Variants in ZFYVE26 observed in about 807,000 individuals in gnomAD.
The protein encoded by ZFYVE26 is zinc finger FYVE domain-containing protein 26.
Under a neutral mutation model 276.5 loss-of-function variants are expected in ZFYVE26, and 181 were observed. That is an observed-to-expected ratio of 0.65 (90% CI 0.58 to 0.74). ZFYVE26 has a LOEUF of 0.74. ZFYVE26 is among the 30% of genes least tolerant of loss of function. ZFYVE26 has a pLI of 0.00. For missense variants in ZFYVE26, 2,821 were observed against 3,097.9 expected (o/e 0.91, Z 2.12); for synonymous variants, 1,129 against 1,203.1 (o/e 0.94, Z 1.27).
rs777417667 is a variant in ZFYVE26 at position 67,729,195 on chromosome 14, C to T, written n.3288+16G>A. On this transcript the variant is annotated intron_variant and non_coding_transcript_variant, in intron 14 of 14. Transcript: ENST00000394455. ...ATTGTGCCCTCTTTGTCCCAGGCAC[C>T]GGGGTCACCACCTACGCAGTGCACC... The T allele has an allele frequency of 1.9e-6, 3 of 1,612,638 alleles. No homozygotes were observed. Among genetic ancestry groups the T allele is most frequent in the African/African-American group, 2.7e-5 (2 of 74,884 alleles).
chr14:67,788,143 C>G (rs903565123), intron 16 of ZFYVE26, among the ~76,000 whole-genome samples: 1 of 151,666 alleles, frequency 6.6e-6, no homozygotes, highest in African/African-American at 2.4e-5. Flanking sequence ...ATAATCCCAG[C>G]ACTTTGGGAG....
Position 67,783,407 on chromosome 14 carries a change from G to A in ZFYVE26, c.3745C>T (p.Leu1249Phe). Residue 1249 changes from leucine to phenylalanine, a missense_variant, in exon 21 of 42, where the codon CTC becomes TTC. Physicochemically the swap from Leu to Phe is conservative, Grantham distance 22. Coordinates refer to ENST00000347230, the MANE Select transcript of ZFYVE26 (RefSeq NM_015346.4). ...SSRQSQQTSS[L>F]LTRLGTLAQL... ...GCCAGAGTACCCAGACGAGTCAGGA[G>A]GGAGGAGGTCTGCTGGCTTTGCCGG... 6.2e-7 allele frequency: 1 copy of A among 1,614,220 alleles called. No homozygotes were observed. The highest frequency in any genetic ancestry group is 1.1e-5 in the South Asian group (1 of 91,084).
At chr14:67,733,373 C>T (rs1746570037) in intron 13 of ZFYVE26, among the ~76,000 whole-genome samples, 1 of 152,140 alleles carries the variant, frequency 6.6e-6, no homozygotes, top group African/African-American at 2.4e-5. Context: ...CGAATGTAGG[C>T]ACTGAACTGT....
chr14:67,765,195 C>T (rs2039025495), intron 32 of ZFYVE26, among the ~76,000 whole-genome samples: 2 of 152,152 alleles, frequency 1.3e-5, no homozygotes, highest in East Asian at 1.9e-4. Flanking sequence ...AGTTCCTTTT[C>T]ACTTCCTTCT....
In ZFYVE26 at chr14:67,809,199, C is replaced by T. The variant is rs935301743; in HGVS notation, c.363+1G>A. The stretch of plus-strand genomic sequence containing the variant: ...CAGATGGTACCAGGGCTCTCTCTCA[C>T]CTCGAGGATGTTCTCTGGAATGTCA... On this transcript the variant is annotated splice_donor_variant, in intron 4 of 41. Coordinates refer to ENST00000347230, the MANE Select transcript of ZFYVE26 (RefSeq NM_015346.4). LOFTEE classifies it high-confidence loss of function. The T allele has an allele frequency of 2.5e-6, 4 of 1,613,688 alleles. No individual in the cohort carries two copies. The highest frequency in any genetic ancestry group is 3.4e-6 in the Non-Finnish European group (4 of 1,179,770).
rs2039750355 is a variant in ZFYVE26, at chr14:67,789,412, T to C, written c.2942A>G (p.Gln981Arg). 6.2e-7 allele frequency: 1 copy of C among 1,614,204 alleles called. No individual in the cohort carries two copies. Among genetic ancestry groups the C allele is most frequent in the African/African-American group, 1.3e-5 (1 of 75,054 alleles). The change falls in exon 16 of 42, where the codon CAG becomes CGG. Residue 981 changes from glutamine (Q) to arginine (R), a missense_variant. Transcript: ENST00000347230. ...CTTGCAGGTTTTCCAGAGCTGGCAC[T>C]GAGAGCAAGCTAGGTCAAATGCAGC... is the stretch of plus-strand genomic sequence containing the variant. ...AMAAFDLACS[Q>R]CQLWKTCKQL... is the part of the protein sequence containing the mutation.
At chr14:67,793,255 TCAAA>T (rs112741778) in intron 14 of ZFYVE26, among the ~76,000 whole-genome samples, 26 of 151,278 alleles carry the variant, frequency 1.7e-4, no homozygotes, top group East Asian at 5.8e-4. Context: ...AGACTCTGTC[TCAAA>T]CAAACAAACA....
At position 67,807,266 on chromosome 14, in the gene ZFYVE26, C is replaced by T. The variant is rs80121791; in HGVS notation, c.886+132G>A. 2,562 of 1,175,102 alleles carry T rather than the reference C, an allele frequency of 2.2e-3. 4 individuals are homozygous for T. Among genetic ancestry groups the T allele is most frequent in the Middle Eastern group, 4.5e-3 (16 of 3,568 alleles). 72.8% of individuals were successfully genotyped at this position (1,175,102 alleles called of 1,614,324 possible). ...GGCCTGTACTTTTACGAAAGAGCATCGCACCCATTTTTGCTTAGCCTCCCC... is the reference window on the plus strand; with the variant it reads ...GGCCTGTACTTTTACGAAAGAGCATTGCACCCATTTTTGCTTAGCCTCCCC... On this transcript the variant is annotated intron_variant, in intron 5 of 41. Transcript: ENST00000347230.
chr14:67,809,349 T>C, intron 3 of ZFYVE26, 60 bp from the exon 4 acceptor site: 1 of 1,244,794 alleles, frequency 8.0e-7, no homozygotes, highest in Non-Finnish European at 1.2e-6. Flanking sequence ...TAACAAATTA[T>C]AATTAAATAT....
At chr14:67,751,923 G>A (rs1327687455) in intron 40 of ZFYVE26, among the ~76,000 whole-genome samples, 1 of 152,064 alleles carries the variant, frequency 6.6e-6, no homozygotes, top group Non-Finnish European at 1.5e-5. Context: ...AATTTAGGGA[G>A]AAGGAACAGT....
At chr14:67,807,343 G>C in intron 5 of ZFYVE26, 55 bp downstream of exon 5, 1 of 1,611,174 alleles carries the variant, frequency 6.2e-7, no homozygotes, top group South Asian at 1.1e-5. Flanking sequence ...CCTCCAGCAA[G>C]GCTGGGCATA....
chr14:67,733,018 GC>G (rs1290212093), intron 13 of ZFYVE26, among the ~76,000 whole-genome samples: 1 of 152,074 alleles, frequency 6.6e-6, no homozygotes, highest in Non-Finnish European at 1.5e-5. Context: ...TATACCTAAT[GC>G]TAAATGACGA....
intron 29 of ZFYVE26, among the ~76,000 whole-genome samples, chr14:67,769,347 T>C (rs576737083): frequency 2.0e-5 from 3 of 152,306 alleles, no homozygotes; most frequent in Admixed American, 2.0e-4. Flanking sequence ...GGAATCAAAG[T>C]CCTGATTTAA....
At chr14:67,798,695 T>C (rs1405541262) in intron 10 of ZFYVE26, 73 bp from the exon 11 acceptor site, 1 of 1,591,460 alleles carries the variant, frequency 6.3e-7, no homozygotes, top group African/African-American at 1.3e-5. Flanking sequence ...AAACATTACC[T>C]CCCAGCGTCA....
intron 41 of ZFYVE26, among the ~76,000 whole-genome samples, chr14:67,749,220 T>C (rs2038569459): frequency 6.6e-6 from 1 of 152,154 alleles, no homozygotes; most frequent in Non-Finnish European, 1.5e-5. Flanking sequence ...CTCCTCTATT[T>C]TTCTGTTTTC....
Position 67,794,152 on chromosome 14 carries a change from C to A in ZFYVE26, c.2401+19G>T. ...GGGCAAAGCTGCTCAAAGTTGGCAA[C>A]TGGTGGAAATCTGCATACCTGACGT... is the stretch of plus-strand genomic sequence containing the variant. On this transcript the variant is annotated intron_variant, in intron 13 of 41. Transcript: ENST00000347230. 6.2e-7 allele frequency: 1 copy of A among 1,613,802 alleles called. No individual in the cohort carries two copies.
At chr14:67,729,931 A>G (rs1400752491) in intron 13 of ZFYVE26, 6 of 413,110 alleles carry the variant, frequency 1.5e-5, no homozygotes, top group Non-Finnish European at 2.4e-5. Context: ...TTCCCATTCC[A>G]TGACAGAATC....
At chr14:67,749,531 G>T (rs2038580469) in intron 41 of ZFYVE26, among the ~76,000 whole-genome samples, 1 of 152,164 alleles carries the variant, frequency 6.6e-6, no homozygotes. Flanking sequence ...TTCATAAGCT[G>T]CCACAGAGCT....
chr14:67,757,997 G>A (rs1594888136), intron 35 of ZFYVE26, among the ~76,000 whole-genome samples: 1 of 152,176 alleles, frequency 6.6e-6, no homozygotes, highest in Admixed American at 6.5e-5. Context: ...TTACAGAAAC[G>A]AGCCACCCTG....
Sources: allele counts gnomAD v4.1 joint callset (sites outside exome capture counted in the v4.1 genomes callset), GRCh38; gene constraint gnomAD v4.1.1; transcripts MANE v1.5; gene names NCBI Gene and HGNC (gene_info 2026-07-23, HGNC 2026-07-21).